PTPRQ: variants seen among roughly 807,000 people sequenced by gnomAD.
PTPRQ encodes the protein phosphatidylinositol phosphatase PTPRQ.
Under a neutral mutation model 246.0 loss-of-function variants are expected in PTPRQ, and 199 were observed. The observed-to-expected ratio is 0.81, with a 90% CI of 0.72 to 0.91. The LOEUF (loss-of-function observed/expected upper bound fraction) is 0.91. Ranked by LOEUF, PTPRQ falls within the 40% of genes least tolerant of loss-of-function variation. The pLI is 0.00. For synonymous variants in PTPRQ, 869 were observed against 853.2 expected (o/e 1.02, Z -0.32); for missense variants, 2,624 against 2,528.4 (o/e 1.04, Z -0.81).
At chr12:80,557,805 T>TC (rs1372060274) in intron 25 of PTPRQ, among the ~76,000 whole-genome samples, 6 of 152,232 alleles carry the variant, frequency 3.9e-5, no homozygotes, top group South Asian at 2.1e-4. Flanking sequence ...GGAAAACCTT[T>TC]CCATCAGAAT....
At position 80,459,359 on chromosome 12, in the gene PTPRQ, G is replaced by A. The variant is rs148607908; in HGVS notation, c.536G>A (p.Arg179Gln). The A allele has an allele frequency of 5.2e-4, 207 of 398,356 alleles. No individual in the cohort carries two copies. The highest frequency in any genetic ancestry group is 8.5e-4 in the Non-Finnish European group (191 of 225,956). 24.7% of individuals were successfully genotyped at this position (398,356 alleles called of 1,614,324 possible). A position where few individuals can be genotyped will look rare whatever the true frequency, so the allele number is the denominator to read the frequency against. Residue 179 changes from arginine to glutamine, a missense_variant, in exon 5 of 45, where the codon CGG becomes CAG. By Grantham distance (43) the Arg-to-Gln change is conservative. Coordinates refer to ENST00000644991, the MANE Select transcript of PTPRQ (RefSeq NM_001145026.2). ...GTTAAGCTGATTTGGTATTTACCTC[G>A]GCAACCAAATGGCAAAATTACCAGC... The part of the protein sequence containing the change: ...SAVKLIWYLP[R>Q]QPNGKITSFK...
chr12:80,577,431 A>G (rs1897305303), intron 25 of PTPRQ, among the ~76,000 whole-genome samples: 1 of 152,142 alleles, frequency 6.6e-6, no homozygotes, highest in Admixed American at 6.5e-5. Flanking sequence ...AGGATGGGGG[A>G]AACCACACCC....
In PTPRQ at chr12:80,444,751, C is replaced by T. The variant is rs781735530; in HGVS notation, c.65C>T (p.Ser22Phe). Residue 22 changes from serine (S) to phenylalanine (F), a missense_variant, in exon 2 of 45, where the codon TCC (serine) becomes TTC (phenylalanine). By Grantham distance (155) the Ser-to-Phe change is radical. Transcript: ENST00000644991. Reference protein sequence around the residue: ...IGTSETQVDVSNVVPGTRYDI... With the variant: ...IGTSETQVDVFNVVPGTRYDI... ...TTTGTGGTGTTCTAGGTTGATGTTT[C>T]CAATGTCGTTCCTGGTACTAGGTAC... 6.5e-7 allele frequency: 1 copy of T among 1,538,638 alleles called. No homozygotes were observed. The highest frequency in any genetic ancestry group is 2.0e-5 in the Admixed American group (1 of 50,638).
At chr12:80,512,392 C>G (rs1895150131) in intron 17 of PTPRQ, among the ~76,000 whole-genome samples, 1 of 152,084 alleles carries the variant, frequency 6.6e-6, no homozygotes, top group Non-Finnish European at 1.5e-5. Flanking sequence ...TGCTGTTCAC[C>G]CAGTTTTTCT....
chr12:80,543,999 T>C lies in PTPRQ; in HGVS notation c.3873+1118T>C, dbSNP rs77497986. Among the ~76,000 whole-genome samples the C allele has an allele frequency of 8.0e-3, 1,224 of 152,234 alleles. 13 individuals carry two copies. Among genetic ancestry groups the C allele is most frequent in the Middle Eastern group, 0.014 (4 of 294 alleles). On this transcript the variant is annotated intron_variant, in intron 23 of 44. Transcript: ENST00000644991. ...GAATCATTTTCTCAGAGTAATCGCA[T>C]TCCTAGGATAATTGTGTACGTGTGT...
chr12:80,535,468 C>G (rs1895959172), intron 19 of PTPRQ, among the ~76,000 whole-genome samples: 1 of 151,476 alleles, frequency 6.6e-6, no homozygotes, highest in African/African-American at 2.4e-5. Flanking sequence ...GTTTGTTTTT[C>G]TTTAATTAAA....
At chr12:80,510,228 C>T in intron 16 of PTPRQ, 95 bp from the exon 17 acceptor site, 6 of 1,238,836 alleles carry the variant, frequency 4.8e-6, no homozygotes, top group Non-Finnish European at 6.2e-6. Flanking sequence ...ATTCCTTTAC[C>T]AGAAAGTTTA....
rs190334172 is a variant in PTPRQ, at chr12:80,644,080, A to G, written c.5916-4817A>G. 2.4e-3 allele frequency among the ~76,000 whole-genome samples: 365 copies of G among 152,322 alleles called. 2 individuals carry two copies. Among genetic ancestry groups the G allele is most frequent in the Admixed American group, 5.0e-3 (77 of 15,308 alleles). On this transcript the variant is annotated intron_variant, in intron 35 of 44. Coordinates refer to ENST00000644991, the MANE Select transcript of PTPRQ (RefSeq NM_001145026.2). ...TATTAGGACTATATTTTAATTCCCT[A>G]TAGATTTCAACTAATTGACCTTGAG...
At chr12:80,666,200 T>C (rs1419145713) in intron 39 of PTPRQ, among the ~76,000 whole-genome samples, 1 of 151,984 alleles carries the variant, frequency 6.6e-6, no homozygotes, top group East Asian at 1.9e-4. Flanking sequence ...ATAAAGAAAA[T>C]ATGCTGTATA....
rs1201896485 is a variant in PTPRQ, at chr12:80,588,290, G to A, written c.4447G>A (p.Val1483Ile). 2 of 1,551,438 alleles carry A rather than the reference G, an allele frequency of 1.3e-6. No homozygotes were observed. Among genetic ancestry groups the A allele is most frequent in the Non-Finnish European group, 1.7e-6 (2 of 1,146,926 alleles). ...KCKEWESEEC[V>I]EYQKIQYLYE... is the part of the protein sequence containing the mutation. ...CAAAGAATGGGAATCCGAAGAATGT[G>A]TTGAATATCAAAAAATTCAATACCT... The change falls in exon 26 of 45, where the codon GTT becomes ATT. Residue 1483 changes from valine to isoleucine, a missense_variant. By Grantham distance (29) the Val-to-Ile change is conservative. Coordinates refer to ENST00000644991, the MANE Select transcript of PTPRQ (RefSeq NM_001145026.2).
chr12:80,577,725 C>CTATACA (rs1360362243), intron 25 of PTPRQ, among the ~76,000 whole-genome samples: 2 of 152,140 alleles, frequency 1.3e-5, no homozygotes, highest in African/African-American at 4.8e-5. Flanking sequence ...AATTGTCCAA[C>CTATACA]TATACATGCA....
In PTPRQ at chr12:80,649,579, T is replaced by C. The variant is rs1565841093; in HGVS notation, c.5943-9T>C. Reference sequence around the variant, plus strand: ...CATGACCCTATTTTATACCTTTCTTTACTTGGAGGCCAATAAGCAAGAAAT... The same window carrying C: ...CATGACCCTATTTTATACCTTTCTTCACTTGGAGGCCAATAAGCAAGAAAT... On this transcript the variant is annotated splice_polypyrimidine_tract_variant and intron_variant, in intron 36 of 44. Transcript: ENST00000644991. 1.9e-6 allele frequency: 3 copies of C among 1,549,900 alleles called. No individual in the cohort carries two copies. The African/African-American group carries it at 4.1e-5, about 21-fold the overall frequency.
At chr12:80,626,775 C>T (rs1172885530) in intron 33 of PTPRQ, among the ~76,000 whole-genome samples, 1 of 152,142 alleles carries the variant, frequency 6.6e-6, no homozygotes, top group Non-Finnish European at 1.5e-5. Context: ...GCTCCCACAA[C>T]CTATCTTTGC....
chr12:80,654,159 A>G (rs1900351472), intron 38 of PTPRQ, among the ~76,000 whole-genome samples: 1 of 148,946 alleles, frequency 6.7e-6, no homozygotes, highest in Non-Finnish European at 1.5e-5. Context: ...GCGGTAGTGC[A>G]ACCTTGGCTC....
chr12:80,654,039 T>C (rs912508203), intron 38 of PTPRQ, among the ~76,000 whole-genome samples: 7 of 144,592 alleles, frequency 4.8e-5, no homozygotes, highest in Non-Finnish European at 1.5e-5. Flanking sequence ...TTCTTTTTTT[T>C]CTTTCTTTCT....
chr12:80,664,988 T>C (rs1565848972), intron 39 of PTPRQ, among the ~76,000 whole-genome samples: 1 of 152,110 alleles, frequency 6.6e-6, no homozygotes, highest in East Asian at 1.9e-4. Context: ...GATGTATATA[T>C]GAAGGGGCGT....
chr12:80,534,228 A>T, intron 18 of PTPRQ, 53 bp downstream of exon 18: 2 of 1,411,480 alleles, frequency 1.4e-6, no homozygotes, highest in East Asian at 2.7e-5. Context: ...TTTAAAAAAA[A>T]AATCCTGCCC....
In PTPRQ at chr12:80,534,010, C is replaced by T; in HGVS notation, c.2679-5C>T. 1 of 1,469,232 alleles carries T rather than the reference C, an allele frequency of 6.8e-7. No individual in the cohort carries two copies. Among genetic ancestry groups the T allele is most frequent in the South Asian group, 1.5e-5 (1 of 68,178 alleles). The allele number at this position is 1,469,232 out of a possible 1,614,324, so 91.0% of individuals were successfully genotyped here. On this transcript the variant is annotated splice_region_variant and splice_polypyrimidine_tract_variant and intron_variant, in intron 17 of 44. Coordinates refer to ENST00000644991, the MANE Select transcript of PTPRQ (RefSeq NM_001145026.2). ...ATTCTACAGATAATATTCTTTTTAT[C>T]TCAGGAATAGATCATCATTAAAAAC...
chr12:80,577,400 C>T (rs1404059639), intron 25 of PTPRQ, among the ~76,000 whole-genome samples: 1 of 152,106 alleles, frequency 6.6e-6, no homozygotes, highest in African/African-American at 2.4e-5. Flanking sequence ...CTTGTGAGAC[C>T]TAACTCACTA....
Sources: gnomAD v4.1 joint callset for allele counts (sites outside exome capture counted in the v4.1 genomes callset) on GRCh38, gnomAD v4.1.1 for gene constraint, MANE v1.5 for transcripts, NCBI Gene and HGNC (gene_info 2026-07-23, HGNC 2026-07-21) for gene names.